The following ZNF804B variants were observed in gnomAD, a reference collection of about 807,000 sequenced individuals.
ZNF804B encodes the protein zinc finger 804B.
ZNF804B carries 80 observed loss-of-function variants against 101.4 expected under a neutral mutation model. The ratio of observed to expected loss-of-function variants is 0.79; its 90% confidence interval spans 0.66 to 0.95. The LOEUF is 0.95. Among genes scored for constraint, ZNF804B ranks in the 40% least tolerant of loss-of-function variants. The pLI is 0.00. For missense variants in ZNF804B, 1,673 were observed against 1,561.9 expected (o/e 1.07, Z -1.20); for synonymous variants, 622 against 558.8 (o/e 1.11, Z -1.59).
intron 1 of ZNF804B, among the ~76,000 whole-genome samples, chr7:89,106,865 A>C (rs999658841): frequency 6.6e-6 from 1 of 152,148 alleles, no homozygotes; most frequent in Non-Finnish European, 1.5e-5. Context: ...GATACATTAT[A>C]TCTTTGAATA....
chr7:89,166,758 C>T (rs369267983), intron 1 of ZNF804B, among the ~76,000 whole-genome samples: 1 of 152,068 alleles, frequency 6.6e-6, no homozygotes, highest in South Asian at 2.1e-4. Flanking sequence ...CTTCCATACA[C>T]AATTTATTGG....
intron 1 of ZNF804B, among the ~76,000 whole-genome samples, chr7:88,837,739 A>T (rs1447704373): frequency 1.3e-5 from 2 of 151,858 alleles, no homozygotes; most frequent in East Asian, 1.9e-4. Context: ...CTGCGTATCT[A>T]TGTGAGACTG....
chr7:89,120,229 A>T (rs1562889603), intron 1 of ZNF804B, among the ~76,000 whole-genome samples: 1 of 151,926 alleles, frequency 6.6e-6, no homozygotes, highest in African/African-American at 2.4e-5. Context: ...CAGAGGTTGC[A>T]GTGAGCGGAG....
At chr7:88,878,548 G>T (rs1482439657) in intron 1 of ZNF804B, among the ~76,000 whole-genome samples, 1 of 152,098 alleles carries the variant, frequency 6.6e-6, no homozygotes, top group South Asian at 2.1e-4. Flanking sequence ...TTAGAAGAGT[G>T]TCTGGCATAT....
chr7:89,142,852 A>T (rs1220957660), intron 1 of ZNF804B, among the ~76,000 whole-genome samples: 1 of 152,054 alleles, frequency 6.6e-6, no homozygotes, highest in East Asian at 1.9e-4. Flanking sequence ...GAACTGGAGC[A>T]TTGGACCAGC....
intron 1 of ZNF804B, among the ~76,000 whole-genome samples, chr7:88,993,505 T>C (rs972698712): frequency 6.6e-6 from 1 of 151,990 alleles, no homozygotes; most frequent in African/African-American, 2.4e-5. Flanking sequence ...CATAATTTAA[T>C]GAACAGAAAA....
At chr7:88,873,297 G>A (rs1218793922) in intron 1 of ZNF804B, among the ~76,000 whole-genome samples, 1 of 152,110 alleles carries the variant, frequency 6.6e-6, no homozygotes, top group Non-Finnish European at 1.5e-5. Flanking sequence ...CATGTCCTTT[G>A]CACACTTTTT....
chr7:88,877,570 CTG>C (rs1248300763), intron 1 of ZNF804B, among the ~76,000 whole-genome samples: 1 of 151,784 alleles, frequency 6.6e-6, no homozygotes, highest in Non-Finnish European at 1.5e-5. Context: ...AGATAAAATC[CTG>C]TCTCTTCTAT....
chr7:89,171,288 GCTTCTTCTT>G (rs1203060273), intron 1 of ZNF804B, among the ~76,000 whole-genome samples: 1,342 of 82,396 alleles, frequency 0.016, 30 homozygotes, highest in East Asian at 0.1. Flanking sequence ...TGCTGCTGCT[GCTTCTTCTT>G]CTTCTTCTTC....
At chr7:88,937,594 G>T (rs926545795) in intron 1 of ZNF804B, among the ~76,000 whole-genome samples, 4 of 151,936 alleles carry the variant, frequency 2.6e-5, no homozygotes, top group Non-Finnish European at 5.9e-5. Context: ...TAGAGTCGGG[G>T]TAACTGATGC....
At chr7:88,882,870 G>A (rs1792064723) in intron 1 of ZNF804B, among the ~76,000 whole-genome samples, 1 of 152,020 alleles carries the variant, frequency 6.6e-6, no homozygotes, top group Admixed American at 6.6e-5. Context: ...CGGGGAAGGA[G>A]GAAGGGGACA....
chr7:88,973,167 G>A (rs192639508), intron 1 of ZNF804B, among the ~76,000 whole-genome samples: 13 of 149,688 alleles, frequency 8.7e-5, no homozygotes, highest in Non-Finnish European at 1.9e-4. Context: ...ATGATGCCAA[G>A]TTTTACATAT....
chr7:89,232,281 C>T (rs1246107960), intron 2 of ZNF804B, among the ~76,000 whole-genome samples: 2 of 152,070 alleles, frequency 1.3e-5, no homozygotes, highest in Non-Finnish European at 2.9e-5. Context: ...GAGTAAATCT[C>T]ACTCATGGTG....
chr7:89,306,655 T>C (rs184504096), intron 2 of ZNF804B, among the ~76,000 whole-genome samples: 5 of 152,188 alleles, frequency 3.3e-5, no homozygotes, highest in Admixed American at 2.0e-4. Context: ...GCAAAAGTTA[T>C]GTAGTTGACT....
chr7:88,961,445 A>G (rs997426563), intron 1 of ZNF804B, among the ~76,000 whole-genome samples: 76 of 151,488 alleles, frequency 5.0e-4, no homozygotes, highest in African/African-American at 1.7e-3. Flanking sequence ...CCTGCACTTC[A>G]GTTTGAGGTA....
intron 1 of ZNF804B, among the ~76,000 whole-genome samples, chr7:89,078,588 G>C (rs1399803870): frequency 6.6e-6 from 1 of 150,662 alleles, no homozygotes; most frequent in African/African-American, 2.4e-5. Flanking sequence ...ATGATAAAAT[G>C]AGATGTTAGG....
intron 2 of ZNF804B, among the ~76,000 whole-genome samples, chr7:89,304,783 T>G (rs1217373701): frequency 6.6e-6 from 1 of 151,930 alleles, no homozygotes; most frequent in Non-Finnish European, 1.5e-5. Flanking sequence ...ACCTCCCATC[T>G]AAGTCCAAGT....
At chr7:89,326,300 A>T (rs1711925192) in intron 2 of ZNF804B, among the ~76,000 whole-genome samples, 2 of 151,954 alleles carry the variant, frequency 1.3e-5, no homozygotes, top group Non-Finnish European at 2.9e-5. Context: ...CTTAGCTTAG[A>T]TGTAGTTATC....
At chr7:89,299,185 C>T (rs1790438436) in intron 2 of ZNF804B, among the ~76,000 whole-genome samples, 1 of 152,014 alleles carries the variant, frequency 6.6e-6, no homozygotes, top group Non-Finnish European at 1.5e-5. Context: ...AAACTGTCTG[C>T]TTTTCAGTTT....
Sources: allele counts gnomAD v4.1 joint callset (sites outside exome capture counted in the v4.1 genomes callset), GRCh38; gene constraint gnomAD v4.1.1; transcripts MANE v1.5; gene names NCBI Gene and HGNC (gene_info 2026-07-23, HGNC 2026-07-21).